Variants in SAMD12 observed in about 807,000 individuals in gnomAD.
SAMD12 encodes the protein sterile alpha motif domain containing 12.
In SAMD12, 9 loss-of-function variants were observed where a neutral mutation model predicts 15.0. That is an observed-to-expected ratio of 0.60 (90% CI 0.36 to 1.05). SAMD12 has a LOEUF of 1.05. Among genes scored for constraint, SAMD12 ranks in the 50% least tolerant of loss-of-function variants. The probability of loss-of-function intolerance (pLI) is 0.01; values close to 1 mark genes in which losing one functional copy is unlikely to be tolerated. For synonymous variants in SAMD12, 86 were observed against 90.1 expected, an observed-to-expected ratio of 0.96 and a Z score of 0.25; for missense variants, 230 against 234.2, an observed-to-expected ratio of 0.98 and a Z score of 0.12.
chr8:118,602,778 T>G (rs985699124), intron 1 of SAMD12, among the ~76,000 whole-genome samples: 2 of 152,156 alleles, frequency 1.3e-5, no homozygotes, highest in African/African-American at 2.4e-5. Flanking sequence ...GCTTTCAATG[T>G]TTTTTCAAAG....
chr8:118,490,289 T>C (rs370129665), intron 2 of SAMD12, among the ~76,000 whole-genome samples: 11 of 152,164 alleles, frequency 7.2e-5, no homozygotes, highest in African/African-American at 2.2e-4. Flanking sequence ...GCAATTAGTT[T>C]ATAATAGTGG....
At chr8:118,544,109 G>A (rs533169622) in intron 2 of SAMD12, among the ~76,000 whole-genome samples, 7 of 152,074 alleles carry the variant, frequency 4.6e-5, no homozygotes, top group East Asian at 3.9e-4. Flanking sequence ...AGGCGAGTCC[G>A]TCGGCTCTTC....
intron 2 of SAMD12, among the ~76,000 whole-genome samples, chr8:118,451,197 C>T (rs1244520141): frequency 5.3e-5 from 8 of 152,276 alleles, no homozygotes; most frequent in East Asian, 1.9e-4. Flanking sequence ...TTCATGCTTA[C>T]GTCATGATAG....
intron 2 of SAMD12, among the ~76,000 whole-genome samples, chr8:118,548,550 A>G (rs1826206243): frequency 1.3e-5 from 2 of 152,336 alleles, no homozygotes; most frequent in Middle Eastern, 3.4e-3. Flanking sequence ...GGAGGAGCCA[A>G]GATGGCCGAA....
intron 2 of SAMD12, among the ~76,000 whole-genome samples, chr8:118,575,690 C>T: frequency 6.6e-6 from 1 of 152,034 alleles, no homozygotes; most frequent in East Asian, 1.9e-4. Context: ...CAGGAATTAG[C>T]ATTGTGGCAG....
At chr8:118,571,686 G>C (rs1387057347) in intron 2 of SAMD12, among the ~76,000 whole-genome samples, 1 of 152,216 alleles carries the variant, frequency 6.6e-6, no homozygotes, top group Admixed American at 6.5e-5. Context: ...TCAAGCCATG[G>C]CAGCTTCCAT....
intron 2 of SAMD12, among the ~76,000 whole-genome samples, chr8:118,548,423 A>ACACACACACCC (rs1491292990): frequency 1.6e-5 from 2 of 125,260 alleles, no homozygotes; most frequent in African/African-American, 6.0e-5. Context: ...ACACACACAC[A>ACACACACACCC]CCCCATGTGA....
intron 2 of SAMD12, among the ~76,000 whole-genome samples, chr8:118,524,235 T>C (rs1825472760): frequency 6.6e-6 from 1 of 152,134 alleles, no homozygotes; most frequent in African/African-American, 2.4e-5. Context: ...GAGAGAGCTC[T>C]TCATGGTCAC....
the SAMD12 span, among the ~76,000 whole-genome samples, chr8:118,180,549 CCTCT>C: frequency 3.5e-4 from 53 of 149,476 alleles, no homozygotes; most frequent in East Asian, 8.1e-3. Flanking sequence ...TTTCTCTCTC[CCTCT>C]CTCTCTCTCT....
chr8:118,239,569 G>A (rs1364179950), intron 4 of SAMD12, among the ~76,000 whole-genome samples: 2 of 152,194 alleles, frequency 1.3e-5, no homozygotes, highest in East Asian at 3.9e-4. Context: ...GAGCACAGAT[G>A]GGTTTTTCTT....
chr8:118,576,456 A>G (rs1007890480), intron 2 of SAMD12, among the ~76,000 whole-genome samples: 2 of 152,146 alleles, frequency 1.3e-5, no homozygotes, highest in African/African-American at 4.8e-5. Flanking sequence ...TGTTGAACAC[A>G]CCTGGGCATT....
intron 2 of SAMD12, among the ~76,000 whole-genome samples, chr8:118,484,798 C>T (rs1824232162): frequency 6.6e-6 from 1 of 152,206 alleles, no homozygotes; most frequent in South Asian, 2.1e-4. Context: ...AAAAAACAGT[C>T]TGCCTTTGTC....
chr8:118,484,080 A>T (rs1241627090), intron 2 of SAMD12, among the ~76,000 whole-genome samples: 1 of 152,228 alleles, frequency 6.6e-6, no homozygotes, highest in Non-Finnish European at 1.5e-5. Context: ...CTATGAGGAC[A>T]ACAGAGTAGG....
At chr8:118,549,738 G>A (rs576710154) in intron 2 of SAMD12, among the ~76,000 whole-genome samples, 6 of 152,192 alleles carry the variant, frequency 3.9e-5, no homozygotes, top group African/African-American at 1.4e-4. Context: ...ACGAGCTACA[G>A]GAAGAAATTC....
intron 4 of SAMD12, among the ~76,000 whole-genome samples, chr8:118,228,906 G>T (rs1812243978): frequency 6.6e-6 from 1 of 152,210 alleles, no homozygotes; most frequent in Non-Finnish European, 1.5e-5. Flanking sequence ...ATCAGTCAAT[G>T]AGTGGATAAG....
rs56200866 is a variant in SAMD12 at position 118,305,144 on chromosome 8, CAAAA to C, written c.433+74412_433+74415del. 9.6e-3 allele frequency among the ~76,000 whole-genome samples: 467 copies of C among 48,828 alleles called. 5 individuals carry two copies. The highest frequency in any genetic ancestry group is 0.03 in the African/African-American group (372 of 12,272). The allele number at this position is 48,828 out of a possible 152,430, so 32.0% of individuals were successfully genotyped here. A position where few individuals can be genotyped will look rare whatever the true frequency, so the allele number is the denominator to read the frequency against. On this transcript the variant is annotated intron_variant, in intron 4 of 4. Transcript: ENST00000409003. The stretch of plus-strand genomic sequence containing the variant: ...AGCCTGGGCAAAAGTGACTCCCTGT[CAAAA>C]AAAAAAAAAAAAAAAAAAAAAAAAA...
chr8:118,384,408 C>T (rs935733880), intron 3 of SAMD12, among the ~76,000 whole-genome samples: 11 of 152,230 alleles, frequency 7.2e-5, no homozygotes, highest in African/African-American at 1.4e-4. Flanking sequence ...AGGAGGAGTC[C>T]GCGGACTATC....
At chr8:118,167,574 C>T in the SAMD12 span, among the ~76,000 whole-genome samples, 1 of 152,148 alleles carries the variant, frequency 6.6e-6, no homozygotes, top group Non-Finnish European at 1.5e-5. Flanking sequence ...AAAATGCTAT[C>T]AGGAAGTGGG....
chr8:118,359,589 G>A (rs1029510497), intron 4 of SAMD12, among the ~76,000 whole-genome samples: 1 of 152,118 alleles, frequency 6.6e-6, no homozygotes, highest in African/African-American at 2.4e-5. Flanking sequence ...TAAGAGCATC[G>A]CGCTCCTGGA....
Sources: gnomAD v4.1 joint callset for allele counts (sites outside exome capture counted in the v4.1 genomes callset) on GRCh38, gnomAD v4.1.1 for gene constraint, MANE v1.5 for transcripts, NCBI Gene and HGNC (gene_info 2026-07-23, HGNC 2026-07-21) for gene names.